MIA2: variants seen among roughly 807,000 people sequenced by gnomAD.
MIA2 encodes MIA SH3 domain ER export factor 2, also known as melanoma inhibitory activity protein 2.
Under a neutral mutation model 167.8 loss-of-function variants are expected in MIA2, and 127 were observed. That is an observed-to-expected ratio of 0.76 (90% CI 0.66 to 0.88). The LOEUF (loss-of-function observed/expected upper bound fraction) is 0.88, where lower values mean the gene tolerates loss of function less well. MIA2 is among the 40% of genes least tolerant of loss of function. MIA2 has a pLI of 0.00. For synonymous variants in MIA2, 552 were observed against 541.9 expected (o/e 1.02, Z -0.26); for missense variants, 1,690 against 1,624.7 (o/e 1.04, Z -0.69).
chr14:39,320,595 A>G (rs1454774933), intron 23 of MIA2, among the ~76,000 whole-genome samples: 1 of 152,032 alleles, frequency 6.6e-6, no homozygotes, highest in Admixed American at 6.6e-5. Context: ...AAACAAACCA[A>G]AAAAAAATCT....
rs1365688229 is a variant in MIA2, at chr14:39,304,367, A to C, written c.2864A>C (p.Lys955Thr). Reference protein sequence around the residue: ...YIQLSEVDKTKEELTEHIKNL... With the variant: ...YIQLSEVDKTTEELTEHIKNL... ...CAGTTGTCTGAAGTTGATAAAACAA[A>C]GGAAGAGCTTACAGGTAGGTCATTG... is the stretch of plus-strand genomic sequence containing the variant. Residue 955 changes from lysine (K) to threonine (T), a missense_variant, in exon 17 of 29, where the codon AAG becomes ACG. By Grantham distance (78) the Lys-to-Thr change is moderately conservative. Coordinates refer to ENST00000640607, the MANE Select transcript of MIA2 (RefSeq NM_001329214.4). 3.8e-6 allele frequency: 6 copies of C among 1,565,104 alleles called. No homozygotes were observed. Among genetic ancestry groups the C allele is most frequent in the Non-Finnish European group, 5.2e-6 (6 of 1,153,604 alleles).
chr14:39,267,392 C>T (rs1032190102), intron 6 of MIA2: 61 of 1,606,278 alleles, frequency 3.8e-5, no homozygotes, highest in South Asian at 2.2e-5. Flanking sequence ...GCTGTGTGTT[C>T]TCCGCCGTTT....
downstream of MIA2, chr14:39,351,167 A>C (rs772829795): frequency 6.6e-6 from 1 of 152,182 alleles, no homozygotes; most frequent in African/African-American, 2.4e-5. Flanking sequence ...GCAGTGAAGC[A>C]TAACTAATAA....
chr14:39,318,682 A>G (rs531682998), intron 22 of MIA2, among the ~76,000 whole-genome samples: 4 of 152,268 alleles, frequency 2.6e-5, no homozygotes, highest in African/African-American at 7.2e-5. Context: ...AAAATGTCAC[A>G]TTTGTAGGAT....
chr14:39,249,205 A>C (rs2054447511), intron 4 of MIA2, among the ~76,000 whole-genome samples: 1 of 152,132 alleles, frequency 6.6e-6, no homozygotes, highest in Admixed American at 6.5e-5. Context: ...CAGTGGTGCG[A>C]TCACAGTTCA....
chr14:39,326,648 TTTATA>T (rs936271391), intron 24 of MIA2, among the ~76,000 whole-genome samples: 9 of 149,060 alleles, frequency 6.0e-5, no homozygotes, highest in East Asian at 5.8e-4. Context: ...TTATATTTAT[TTTATA>T]TTATATTTTT....
chr14:39,240,670 G>T, intron 3 of MIA2, 23 bp downstream of exon 3: 1 of 1,551,958 alleles, frequency 6.4e-7, no homozygotes, highest in African/African-American at 1.4e-5. Flanking sequence ...ATTCTCAGTT[G>T]TTAATTGAAT....
chr14:39,247,895 A>G lies in MIA2; in HGVS notation c.1321A>G (p.Lys441Glu), dbSNP rs545679883. ...TATAGAAACAGAAGATCAAATAGAC[A>G]AGAAACCAGTCTCAGAAAAAACAGA... Reference protein sequence around the residue: ...KIIETEDQIDKKPVSEKTDES... With the variant: ...KIIETEDQIDEKPVSEKTDES... The change falls in exon 4 of 29, where the codon AAG becomes GAG. Residue 441 changes from lysine (K) to glutamate (E), a missense_variant. By Grantham distance (56) the Lys-to-Glu change is moderately conservative. Coordinates refer to ENST00000640607, the MANE Select transcript of MIA2 (RefSeq NM_001329214.4). 3 of 1,589,482 alleles carry G rather than the reference A, an allele frequency of 1.9e-6. No homozygotes were observed. The South Asian group carries it at 3.5e-5, about 19-fold the overall frequency.
At chr14:39,349,497 T>C (rs927195538) in intron 28 of MIA2, among the ~76,000 whole-genome samples, 25 of 152,218 alleles carry the variant, frequency 1.6e-4, no homozygotes, top group Non-Finnish European at 3.4e-4. Context: ...ATATGTTGCT[T>C]TTATATTCAT....
chr14:39,267,324 C>T, intron 6 of MIA2: 1 of 1,511,918 alleles, frequency 6.6e-7, no homozygotes, highest in Non-Finnish European at 8.8e-7. Flanking sequence ...CCCCCCGCAG[C>T]CGGCTCCGCA....
At chr14:39,380,252 A>AT (rs1013764363) in intron 23 of MIA2, among the ~76,000 whole-genome samples, 1 of 152,252 alleles carries the variant, frequency 6.6e-6, no homozygotes, top group African/African-American at 2.4e-5. Context: ...CCAAGGGGAG[A>AT]GAAAGCTGAA....
At chr14:39,308,037 G>A (rs936482055) in intron 17 of MIA2, among the ~76,000 whole-genome samples, 1 of 152,172 alleles carries the variant, frequency 6.6e-6, no homozygotes, top group African/African-American at 2.4e-5. Context: ...GCACTGTAGA[G>A]TGGTTAGTTA....
chr14:39,267,248 A>G (rs952444451), intron 6 of MIA2: 1 of 1,402,740 alleles, frequency 7.1e-7, no homozygotes, highest in East Asian at 2.7e-5. Context: ...GATGTAAAGT[A>G]TAACAAGAGG....
At chr14:39,262,854 C>T (rs1194978764) in intron 6 of MIA2, among the ~76,000 whole-genome samples, 2 of 151,984 alleles carry the variant, frequency 1.3e-5, no homozygotes, top group Non-Finnish European at 2.9e-5. Flanking sequence ...GTGATTTTTG[C>T]ACATTGATTT....
chr14:39,324,871 T>G (rs2067165407), intron 24 of MIA2, among the ~76,000 whole-genome samples: 1 of 152,062 alleles, frequency 6.6e-6, no homozygotes, highest in Non-Finnish European at 1.5e-5. Flanking sequence ...CCTCCCAGAG[T>G]GCTAGGATTA....
At position 39,319,211 on chromosome 14, in the gene MIA2, T is replaced by G; in HGVS notation, c.3287T>G (p.Leu1096Ter). Residue 1096 changes from leucine to a stop codon, truncating the protein, a stop_gained and splice_region_variant, in exon 23 of 29, where the codon TTA becomes TGA. Transcript: ENST00000640607. LOFTEE classifies it high-confidence loss of function. ...AGATGTTTGTTCTTTATTTGCAGAT[T>G]AACTGAAACAGAGCTTAAATTTGAA... is the stretch of plus-strand genomic sequence containing the variant. Reference protein sequence around the residue: ...RKENAHNRQKLTETELKFELL... With the variant: ...RKENAHNRQK 6.5e-7 allele frequency: 1 copy of G among 1,543,536 alleles called. No individual in the cohort carries two copies. The highest frequency in any genetic ancestry group is 8.8e-7 in the Non-Finnish European group (1 of 1,138,046).
At chr14:39,314,869 C>A in intron 20 of MIA2, 70 bp downstream of exon 20, 2 of 1,133,592 alleles carry the variant, frequency 1.8e-6, no homozygotes, top group Non-Finnish European at 2.4e-6. Context: ...ATTCTGATTT[C>A]TTTGAATTGA....
chr14:39,322,946 T>TA (rs2066739694), intron 24 of MIA2, among the ~76,000 whole-genome samples: 8 of 152,194 alleles, frequency 5.3e-5, no homozygotes, highest in Admixed American at 2.0e-4. Flanking sequence ...GAACATAAAG[T>TA]AATGAATCTA....
In MIA2 at chr14:39,350,148, C is replaced by A. The variant is rs1477735164; in HGVS notation, c.4123C>A (p.Pro1375Thr). The A allele has an allele frequency of 5.0e-6, 7 of 1,398,466 alleles. No individual in the cohort carries two copies. Among genetic ancestry groups the A allele is most frequent in the Non-Finnish European group, 6.9e-6 (7 of 1,019,924 alleles). 86.6% of individuals were successfully genotyped at this position (1,398,466 alleles called of 1,614,324 possible). A position where few individuals can be genotyped will look rare whatever the true frequency, so the allele number is the denominator to read the frequency against. ...RGFPPYLPPR[P>T]GFFPPPPHSE... ...TTTTCCTCCTTACCTTCCCCCAAGA[C>A]CTGGATTTTTCCCCCCACCCCCACA... Residue 1375 changes from proline to threonine, a missense_variant, in exon 29 of 29, where the codon CCT (proline) becomes ACT (threonine). Pro to Thr is a conservative substitution (Grantham distance 38, BLOSUM62 -1). Coordinates refer to ENST00000640607, the MANE Select transcript of MIA2 (RefSeq NM_001329214.4).
Sources: allele counts gnomAD v4.1 joint callset (sites outside exome capture counted in the v4.1 genomes callset), GRCh38; gene constraint gnomAD v4.1.1; transcripts MANE v1.5; gene names NCBI Gene and HGNC (gene_info 2026-07-23, HGNC 2026-07-21).